The following SCLY variants were observed in gnomAD, a reference collection of about 807,000 sequenced individuals.
SCLY encodes putative selenocysteine lyase.
Under a neutral mutation model 50.1 loss-of-function variants are expected in SCLY, and 38 were observed. The ratio of observed to expected loss-of-function variants is 0.76; its 90% CI spans 0.59 to 0.99. SCLY has a LOEUF of 0.99. Among genes scored for constraint, SCLY ranks in the 50% least tolerant of loss-of-function variants. The pLI is 0.00. For missense variants in SCLY, 600 were observed against 620.0 expected, an observed-to-expected ratio of 0.97 and a Z score of 0.34; for synonymous variants, 243 against 249.4, an observed-to-expected ratio of 0.97 and a Z score of 0.24.
Position 238,094,482 on chromosome 2 carries a change from C to T in SCLY, c.1068C>T (p.Pro356=), listed in dbSNP as rs371979095. 127 of 1,614,080 alleles carry T rather than the reference C, an allele frequency of 7.9e-5. No homozygotes were observed. The highest frequency in any genetic ancestry group is 1.0e-4 in the Non-Finnish European group (121 of 1,180,030). Reference sequence around the variant, plus strand: ...AGTTTCCAGGCACCCAGCGGCTTCCCAATACCTGTAACTTTTCCATCCGGG... The same window carrying T: ...AGTTTCCAGGCACCCAGCGGCTTCCTAATACCTGTAACTTTTCCATCCGGG... The part of the protein sequence containing the change: ...NSQFPGTQRL[P]NTCNFSIRGP... Residue 356 remains proline (P), a synonymous_variant, in exon 10 of 12, where the codon CCC becomes CCT. Coordinates refer to ENST00000254663, the MANE Select transcript of SCLY (RefSeq NM_016510.7).
chr2:238,071,420 A>C (rs955476276), intron 4 of SCLY, among the ~76,000 whole-genome samples: 9 of 152,156 alleles, frequency 5.9e-5, no homozygotes, highest in African/African-American at 2.2e-4. Flanking sequence ...CAGCCTGGCC[A>C]ACATAGCAAC....
intron 4 of SCLY, chr2:238,079,571 G>C (rs1393121560): frequency 1.3e-5 from 2 of 152,042 alleles, no homozygotes; most frequent in African/African-American, 4.8e-5. Context: ...GTGTGTTATA[G>C]CCCTAACAAA....
rs906001462 is a variant in SCLY at position 238,069,907 on chromosome 2, T to A, written c.484+430T>A. 2 of 154,590 alleles carry A rather than the reference T, an allele frequency of 1.3e-5. No individual in the cohort carries two copies. Among genetic ancestry groups the A allele is most frequent in the Admixed American group, 1.3e-4 (2 of 15,314 alleles). 9.6% of individuals were successfully genotyped at this position (154,590 alleles called of 1,614,324 possible). A position where few individuals can be genotyped will look rare whatever the true frequency, so the allele number is the denominator to read the frequency against. The stretch of plus-strand genomic sequence containing the variant: ...TTCATCATAAAATCTCAGCTCCCAC[T>A]CTCCTCTCACATGAAGGAAAAGGAT... On this transcript the variant is annotated intron_variant, in intron 4 of 11. Transcript: ENST00000254663. This position sits in a 1 kb window ranked among gnomAD's most constrained non-coding sequence, Gnocchi z 5.0.
chr2:238,093,900 G>T lies in SCLY; in HGVS notation c.961G>T (p.Ala321Ser), dbSNP rs2065396132. 6.2e-7 allele frequency: 1 copy of T among 1,613,950 alleles called. No individual in the cohort carries two copies. The highest frequency in any genetic ancestry group is 1.1e-5 in the South Asian group (1 of 91,048). Residue 321 changes from alanine to serine, a missense_variant, in exon 9 of 12, where the codon GCC (alanine) becomes TCC (serine). Coordinates refer to ENST00000254663, the MANE Select transcript of SCLY (RefSeq NM_016510.7). ...LVTQNCEAYE[A>S]HMRDVRDYLE... ...GACCCAGAACTGCGAGGCTTATGAG[G>T]CCCACATGAGGGACGTCCGCGACTA...
At chr2:238,085,682 G>A (rs546781890) in intron 7 of SCLY, among the ~76,000 whole-genome samples, 21 of 152,042 alleles carry the variant, frequency 1.4e-4, no homozygotes, top group African/African-American at 4.3e-4. Flanking sequence ...AGCCGAGATC[G>A]TGCCACTCCA....
chr2:238,073,899 A>C (rs1240210710), intron 4 of SCLY: 3 of 404,766 alleles, frequency 7.4e-6, no homozygotes, highest in African/African-American at 6.3e-5. Context: ...TCTCTAGCTT[A>C]CTTTATTGTG....
chr2:238,090,799 TAC>T (rs144247500), intron 7 of SCLY, among the ~76,000 whole-genome samples: 3 of 150,962 alleles, frequency 2.0e-5, no homozygotes, highest in African/African-American at 4.9e-5. Context: ...CTTGCACACA[TAC>T]ACACACACAC....
intron 11 of SCLY, 144 bp from the exon 12 acceptor site, chr2:238,098,058 G>A: frequency 1.1e-6 from 1 of 939,116 alleles, no homozygotes; most frequent in Admixed American, 2.5e-5. Flanking sequence ...TGGTCTGGGA[G>A]TTTAGCAGGA....
intron 1 of SCLY, among the ~76,000 whole-genome samples, chr2:238,063,711 G>A (rs1402225434): frequency 1.3e-5 from 2 of 152,198 alleles, no homozygotes; most frequent in Non-Finnish European, 2.9e-5. Flanking sequence ...AGCCCCACAG[G>A]CCATCGCAAA....
At chr2:238,081,988 T>C in intron 5 of SCLY, 57 bp from the exon 6 acceptor site, 1 of 1,587,082 alleles carries the variant, frequency 6.3e-7, no homozygotes, top group Non-Finnish European at 8.6e-7. Context: ...CTGATTTCTG[T>C]CATTCAGTTT....
At chr2:238,081,402 C>T (rs1559246827) in intron 4 of SCLY, 2 of 311,512 alleles carry the variant, frequency 6.4e-6, no homozygotes, top group Non-Finnish European at 1.2e-5. Context: ...TAGGACCCTC[C>T]CCAAAAGCAA....
intron 6 of SCLY, among the ~76,000 whole-genome samples, chr2:238,082,479 C>A (rs1269021712): frequency 6.6e-6 from 1 of 152,108 alleles, no homozygotes; most frequent in Admixed American, 6.5e-5. Context: ...GGGGAGGAGA[C>A]GTCGAGATCT....
At chr2:238,062,687 C>T (rs927929775) in intron 1 of SCLY, among the ~76,000 whole-genome samples, 1 of 152,262 alleles carries the variant, frequency 6.6e-6, no homozygotes, top group Non-Finnish European at 1.5e-5. Context: ...GCCGGGATTA[C>T]AGGCGTGAGC....
In SCLY at chr2:238,098,860, T is replaced by A; in HGVS notation, c.*505T>A. On this transcript the variant is annotated 3_prime_UTR_variant, in exon 12 of 12. Transcript: ENST00000254663. ...TGATTTTTTTGTTTTGATCATGGCC[T>A]CTACATGCACCTTTCCAGAGTGGTC... is the stretch of plus-strand genomic sequence containing the variant. 3.9e-6 allele frequency: 1 copy of A among 253,580 alleles called. No individual in the cohort carries two copies. 15.7% of individuals were successfully genotyped at this position (253,580 alleles called of 1,614,324 possible).
At chr2:238,096,555 C>G (rs1024578617) in intron 10 of SCLY, among the ~76,000 whole-genome samples, 1 of 152,196 alleles carries the variant, frequency 6.6e-6, no homozygotes, top group Non-Finnish European at 1.5e-5. Context: ...ATTACAAATG[C>G]GATTTTCAAG....
chr2:238,081,569 T>C (rs1204844990), intron 4 of SCLY, 140 bp from the exon 5 acceptor site: 1 of 1,215,030 alleles, frequency 8.2e-7, no homozygotes, highest in Non-Finnish European at 1.1e-6. Context: ...ATGGGCGGCT[T>C]ATATTCTTCT....
intron 8 of SCLY, chr2:238,091,525 G>A (rs147757014): frequency 1.2e-5 from 5 of 424,774 alleles, no homozygotes; most frequent in South Asian, 8.6e-5. Context: ...TACAGCAGAG[G>A]TGAAGTGTCA....
intron 4 of SCLY, among the ~76,000 whole-genome samples, chr2:238,071,623 AC>A (rs2065128894): frequency 6.6e-6 from 1 of 152,212 alleles, no homozygotes; most frequent in Non-Finnish European, 1.5e-5. Flanking sequence ...AAACAAAAAA[AC>A]AAAAGTCATT....
In SCLY at chr2:238,083,820, C is replaced by T. The variant is rs970603554; in HGVS notation, c.884+466C>T. Among the ~76,000 whole-genome samples the T allele has an allele frequency of 2.6e-5, 4 of 152,114 alleles. No homozygotes were observed. The highest frequency in any genetic ancestry group is 9.7e-5 in the African/African-American group (4 of 41,390). On this transcript the variant is annotated intron_variant, in intron 7 of 11. Coordinates refer to ENST00000254663, the MANE Select transcript of SCLY (RefSeq NM_016510.7). This position sits in a 1 kb window ranked among gnomAD's most constrained non-coding sequence, Gnocchi z 4.3. The stretch of plus-strand genomic sequence containing the variant: ...ACACCTTTTGTTAGAAACTACTTAA[C>T]AAGAGAGAGAAACAGGAACAGCATG...
Sources: allele counts gnomAD v4.1 joint callset (sites outside exome capture counted in the v4.1 genomes callset), GRCh38; gene constraint gnomAD v4.1.1; non-coding constraint Gnocchi (gnomAD v3.1); transcripts MANE v1.5; gene names NCBI Gene and HGNC (gene_info 2026-07-23, HGNC 2026-07-21).